The following PLCXD3 variants were observed in gnomAD, a reference collection of about 807,000 sequenced individuals.
PLCXD3 encodes the protein PI-PLC X domain-containing protein 3.
Under a neutral mutation model 25.5 loss-of-function variants are expected in PLCXD3, and 19 were observed. The observed-to-expected ratio is 0.75, with a 90% CI of 0.52 to 1.09. PLCXD3 has a LOEUF of 1.09. Among genes scored for constraint, PLCXD3 ranks in the 50% least tolerant of loss-of-function variants. The pLI, the probability that PLCXD3 is intolerant of heterozygous loss-of-function variation, is 0.00. For missense variants in PLCXD3, 411 were observed against 388.1 expected (o/e 1.06, Z -0.50); for synonymous variants, 174 against 137.6 (o/e 1.26, Z -1.85).
chr5:41,322,501 G>A (rs1243575908), intron 2 of PLCXD3, among the ~76,000 whole-genome samples: 1 of 152,194 alleles, frequency 6.6e-6, no homozygotes, highest in Non-Finnish European at 1.5e-5. Flanking sequence ...CAGTTTGGAG[G>A]TTCTTCAAAA....
Position 41,391,913 on chromosome 5 carries a change from C to T in PLCXD3, c.104-9379G>A, listed in dbSNP as rs147308755. The stretch of plus-strand genomic sequence containing the variant: ...TAAGGGAACACCAGCAATAGTGTGG[C>T]AGTACTCCTCGTGGCCTGGGGTGGT... On this transcript the variant is annotated intron_variant, in intron 1 of 2. Coordinates refer to ENST00000377801, the MANE Select transcript of PLCXD3 (RefSeq NM_001005473.3). Among the ~76,000 whole-genome samples the T allele has an allele frequency of 4.2e-3, 642 of 152,210 alleles. 3 individuals carry two copies. Among genetic ancestry groups the T allele is most frequent in the African/African-American group, 0.015 (609 of 41,530 alleles).
At chr5:41,492,552 C>T (rs1748727544) in intron 1 of PLCXD3, among the ~76,000 whole-genome samples, 1 of 152,218 alleles carries the variant, frequency 6.6e-6, no homozygotes, top group Non-Finnish European at 1.5e-5. Flanking sequence ...TTCCATTCTC[C>T]CCGTCACTTT....
chr5:41,353,239 C>T (rs1744522993), intron 2 of PLCXD3, among the ~76,000 whole-genome samples: 1 of 151,840 alleles, frequency 6.6e-6, no homozygotes, highest in East Asian at 1.9e-4. Flanking sequence ...ATTACAGGCG[C>T]CCGCCACCAT....
intron 1 of PLCXD3, among the ~76,000 whole-genome samples, chr5:41,454,718 A>G (rs1259730533): frequency 6.6e-6 from 1 of 151,994 alleles, no homozygotes; most frequent in Non-Finnish European, 1.5e-5. Flanking sequence ...CAAGCCAAGG[A>G]ACACCAAAAA....
At chr5:41,353,238 G>T (rs1022622366) in intron 2 of PLCXD3, among the ~76,000 whole-genome samples, 2 of 151,162 alleles carry the variant, frequency 1.3e-5, no homozygotes, top group East Asian at 3.9e-4. Context: ...GATTACAGGC[G>T]CCCGCCACCA....
intron 1 of PLCXD3, among the ~76,000 whole-genome samples, chr5:41,448,257 A>C (rs1343870263): frequency 6.6e-6 from 1 of 152,176 alleles, no homozygotes; most frequent in Non-Finnish European, 1.5e-5. Flanking sequence ...CCAGAAACCC[A>C]GTTGACTTCA....
chr5:41,397,042 C>T (rs1443334775), intron 1 of PLCXD3, among the ~76,000 whole-genome samples: 1 of 152,168 alleles, frequency 6.6e-6, no homozygotes, highest in African/African-American at 2.4e-5. Context: ...AAATTTGCAG[C>T]CCTACCATGC....
intron 1 of PLCXD3, among the ~76,000 whole-genome samples, chr5:41,389,456 C>G (rs982799368): frequency 6.6e-6 from 1 of 152,176 alleles, no homozygotes; most frequent in Non-Finnish European, 1.5e-5. Flanking sequence ...TGTTAACTTA[C>G]AAAGGACAAG....
At chr5:41,374,068 A>G (rs1745206427) in intron 2 of PLCXD3, among the ~76,000 whole-genome samples, 1 of 152,066 alleles carries the variant, frequency 6.6e-6, no homozygotes, top group African/African-American at 2.4e-5. Flanking sequence ...GGAAGAACTA[A>G]CTGAGCCTAG....
intron 2 of PLCXD3, among the ~76,000 whole-genome samples, chr5:41,356,013 C>T (rs1744607594): frequency 1.3e-5 from 2 of 152,086 alleles, no homozygotes; most frequent in South Asian, 4.1e-4. Flanking sequence ...AAAAAAAACC[C>T]ATGATCATTG....
At chr5:41,454,526 T>G (rs1305156704) in intron 1 of PLCXD3, among the ~76,000 whole-genome samples, 2 of 151,940 alleles carry the variant, frequency 1.3e-5, no homozygotes, top group African/African-American at 4.8e-5. Context: ...CTAATTACCT[T>G]CCAAAGGCCC....
intron 1 of PLCXD3, among the ~76,000 whole-genome samples, chr5:41,455,353 C>T (rs1036033840): frequency 5.9e-5 from 9 of 151,912 alleles, no homozygotes; most frequent in African/African-American, 1.9e-4. Flanking sequence ...TAACCTGACT[C>T]TCCCTATTTC....
intron 1 of PLCXD3, among the ~76,000 whole-genome samples, chr5:41,476,197 T>A (rs1347998337): frequency 1.3e-5 from 2 of 152,240 alleles, no homozygotes; most frequent in Non-Finnish European, 2.9e-5. Flanking sequence ...CATTATCTCA[T>A]TTGATTCTCA....
intron 2 of PLCXD3, among the ~76,000 whole-genome samples, chr5:41,367,401 C>T (rs1744968021): frequency 1.3e-5 from 2 of 151,742 alleles, no homozygotes; most frequent in South Asian, 4.2e-4. Flanking sequence ...TGATGTTGAG[C>T]TTTTTTTTCA....
chr5:41,475,170 T>A (rs1748252867), intron 1 of PLCXD3, among the ~76,000 whole-genome samples: 1 of 152,132 alleles, frequency 6.6e-6, no homozygotes, highest in South Asian at 2.1e-4. Flanking sequence ...ACAAAATTAT[T>A]CCCCATGTTA....
chr5:41,423,833 G>C (rs1217385370), intron 1 of PLCXD3, among the ~76,000 whole-genome samples: 1 of 151,870 alleles, frequency 6.6e-6, no homozygotes, highest in African/African-American at 2.4e-5. Context: ...AGATATATTT[G>C]AAAAATAAAA....
chr5:41,361,572 T>G (rs1744780919), intron 2 of PLCXD3, among the ~76,000 whole-genome samples: 1 of 152,174 alleles, frequency 6.6e-6, no homozygotes, highest in East Asian at 1.9e-4. Context: ...ATATCCACTT[T>G]GGGCTACTTA....
chr5:41,432,138 A>G (rs1747126188), intron 1 of PLCXD3, among the ~76,000 whole-genome samples: 1 of 152,168 alleles, frequency 6.6e-6, no homozygotes, highest in Admixed American at 6.5e-5. Flanking sequence ...TTGCCCTCAG[A>G]TACTGGGAAA....
chr5:41,372,634 A>G (rs1412220971), intron 2 of PLCXD3, among the ~76,000 whole-genome samples: 1 of 152,046 alleles, frequency 6.6e-6, no homozygotes, highest in Non-Finnish European at 1.5e-5. Flanking sequence ...CAGTCTCACA[A>G]CTGTAAGCTG....
Sources: allele counts gnomAD v4.1 joint callset (sites outside exome capture counted in the v4.1 genomes callset), GRCh38; gene constraint gnomAD v4.1.1; transcripts MANE v1.5; gene names NCBI Gene and HGNC (gene_info 2026-07-23, HGNC 2026-07-21).